FAT1: variants seen among roughly 807,000 people sequenced by gnomAD.
The protein encoded by FAT1 is protocadherin Fat 1.
A neutral mutation model predicts 329.8 loss-of-function variants in FAT1; 171 were observed. The observed-to-expected ratio is 0.52, with a 90% CI of 0.46 to 0.59. The LOEUF (loss-of-function observed/expected upper bound fraction) is 0.59, where lower values mean the gene tolerates loss of function less well. FAT1 is among the 20% of genes least tolerant of loss of function. The pLI is 0.00. For missense variants in FAT1, 5,672 were observed against 5,774.4 expected (o/e 0.98, Z 0.57); for synonymous variants, 2,233 against 2,228.6 (o/e 1.00, Z -0.06).
chr4:186,595,919 G>A, intron 25 of FAT1, 93 bp from the exon 26 acceptor site: 2 of 1,299,492 alleles, frequency 1.5e-6, no homozygotes, highest in South Asian at 1.4e-5. Flanking sequence ...ACCCAACGAT[G>A]GCCTGAGATT....
chr4:186,633,827 AT>A lies in FAT1; in HGVS notation c.4184-5del. ...AAGTGACTGTCGTAGTTGCCACCTA[AT>A]TTGGGGAAAAAAAAGTAAAAACAGG... On this transcript the variant is annotated splice_polypyrimidine_tract_variant and splice_region_variant and intron_variant, in intron 6 of 26. Transcript: ENST00000441802. 6.2e-7 allele frequency: 1 copy of A among 1,613,946 alleles called. No individual in the cohort carries two copies. The highest frequency in any genetic ancestry group is 2.2e-5 in the East Asian group (1 of 44,880).
chr4:186,609,768 C>T (rs1027709949), intron 15 of FAT1, 33 bp downstream of exon 15: 8 of 1,435,642 alleles, frequency 5.6e-6, no homozygotes, highest in Non-Finnish European at 7.9e-6. Flanking sequence ...AGAAGATACA[C>T]AGTTTTCACT....
intron 9 of FAT1, among the ~76,000 whole-genome samples, chr4:186,627,931 T>C (rs1402557505): frequency 6.6e-6 from 1 of 151,960 alleles, no homozygotes; most frequent in East Asian, 1.9e-4. Context: ...ACTGGGCTAA[T>C]ATTGTGAATC....
At position 186,708,231 on chromosome 4, in the gene FAT1, C is replaced by T. The variant is rs757277027; in HGVS notation, c.1597G>A (p.Val533Ile). The T allele has an allele frequency of 2.3e-5, 37 of 1,613,854 alleles. No individual in the cohort carries two copies. In the East Asian group the frequency reaches 2.5e-4, roughly 11 times the overall value. The part of the protein sequence containing the change: ...ENLDYELMPR[V>I]YTLRIRASDW... ...GATGCACGAATCCTCAGAGTATAAACCCGAGGCATCAGTTCGTAGTCCAGG... is the reference window on the plus strand; with the variant it reads ...GATGCACGAATCCTCAGAGTATAAATCCGAGGCATCAGTTCGTAGTCCAGG... Residue 533 changes from valine to isoleucine, a missense_variant, in exon 2 of 27, where the codon GTT becomes ATT. By Grantham distance (29) the Val-to-Ile change is conservative. Around this residue, in one of 2 missense-constraint regions of FAT1, gnomAD observed 3,966 missense variants for 3,915.2 expected, o/e 1.01. Coordinates refer to ENST00000441802, the MANE Select transcript of FAT1 (RefSeq NM_005245.4).
In FAT1 at chr4:186,618,155, A is replaced by T. The variant is rs1579327638; in HGVS notation, c.8431T>A (p.Ser2811Thr). The T allele has an allele frequency of 6.2e-7, 1 of 1,614,012 alleles. No individual in the cohort carries two copies. Among genetic ancestry groups the T allele is most frequent in the African/African-American group, 1.3e-5 (1 of 75,046 alleles). ...DANDNSPVFE[S>T]SPYEAFIVEN... ...ACAATGAATGCCTCATATGGACTAGATTCAAAGACCGGGCTGTTGTCATTT... is the reference window on the plus strand; with the variant it reads ...ACAATGAATGCCTCATATGGACTAGTTTCAAAGACCGGGCTGTTGTCATTT... The change falls in exon 10 of 27, where the codon TCT becomes ACT. Residue 2811 changes from serine (S) to threonine (T), a missense_variant. Physicochemically the swap from Ser to Thr is moderately conservative, Grantham distance 58. This residue lies in a region of FAT1 where 3,966 missense variants were observed against 3,915.2 expected (regional missense o/e 1.01). Coordinates refer to ENST00000441802, the MANE Select transcript of FAT1 (RefSeq NM_005245.4).
intron 3 of FAT1, among the ~76,000 whole-genome samples, chr4:186,646,418 GTGA>G (rs1357140188): frequency 6.6e-6 from 1 of 152,172 alleles, no homozygotes; most frequent in Non-Finnish European, 1.5e-5. Flanking sequence ...AGAAATTTCT[GTGA>G]TGATTTGTGT....
intron 2 of FAT1, among the ~76,000 whole-genome samples, chr4:186,688,661 C>A (rs1037936393): frequency 9.8e-4 from 122 of 124,914 alleles, no homozygotes; most frequent in Non-Finnish European, 1.8e-3. Context: ...CCGCCCCCCC[C>A]CAAAAAAACA....
At chr4:186,610,201 CTTTA>C (rs930662264) in intron 14 of FAT1, 186 bp from the exon 15 acceptor site, 13 of 564,534 alleles carry the variant, frequency 2.3e-5, no homozygotes, top group African/African-American at 2.1e-4. Flanking sequence ...ATCCCTGGAT[CTTTA>C]TTTCTCTTAA....
At chr4:186,709,926 A>C in intron 1 of FAT1, 81 bp from the exon 2 acceptor site, 1 of 1,290,418 alleles carries the variant, frequency 7.7e-7, no homozygotes, top group Non-Finnish European at 1.0e-6. Context: ...ACTTCTCATT[A>C]AAAAAATATT....
rs765843504 is a variant in FAT1, at chr4:186,620,746, C to T, written c.5840G>A (p.Arg1947His). The T allele has an allele frequency of 4.3e-6, 7 of 1,613,884 alleles. No homozygotes were observed. Among genetic ancestry groups the T allele is most frequent in the East Asian group, 2.2e-5 (1 of 44,888 alleles). The change falls in exon 10 of 27, where the codon CGC becomes CAC. Residue 1947 changes from arginine to histidine, a missense_variant. This residue lies in a region of FAT1 where 3,966 missense variants were observed against 3,915.2 expected (regional missense o/e 1.01). Transcript: ENST00000441802. Reference protein sequence around the residue: ...TVQNTTQLRSRYELTVRASDG... With the variant: ...TVQNTTQLRSHYELTVRASDG... ...GGAAGCTCTAACGGTTAGCTCGTAGCGGCTTCTTAACTGAGTTGTGTTTTG... is the reference window on the plus strand; with the variant it reads ...GGAAGCTCTAACGGTTAGCTCGTAGTGGCTTCTTAACTGAGTTGTGTTTTG...
In FAT1 at chr4:186,671,554, C is replaced by T. The variant is rs1394518324; in HGVS notation, c.3266-7941G>A. On this transcript the variant is annotated intron_variant, in intron 2 of 26. Transcript: ENST00000441802. ...CTCTACTAAAAATACAAAAAATGAG[C>T]TGGGCGTGGTGGCAGGCGCCTGTAA... Among the ~76,000 whole-genome samples, 8 of 152,068 alleles carry T rather than the reference C, an allele frequency of 5.3e-5. No homozygotes were observed. In the East Asian group the frequency reaches 1.6e-3, roughly 30 times the overall value.
rs1187532775 is a variant in FAT1 at position 186,621,005 on chromosome 4, A to G, written c.5581T>C (p.Tyr1861His). ...ACATGTACTGTTACATTCGCTGCAT[A>G]CTCAGCAAATAAACGTGGGGTTCCC... ...DMGTPRLFAEYAANVTVHVID... is the reference protein window; with the variant it reads ...DMGTPRLFAEHAANVTVHVID... The change falls in exon 10 of 27, where the codon TAT (tyrosine) becomes CAT (histidine). Residue 1861 changes from tyrosine (Y) to histidine (H), a missense_variant. This residue lies in a region of FAT1 where 3,966 missense variants were observed against 3,915.2 expected (regional missense o/e 1.01). Transcript: ENST00000441802. 1 of 1,612,854 alleles carries G rather than the reference A, an allele frequency of 6.2e-7. No homozygotes were observed. Among genetic ancestry groups the G allele is most frequent in the East Asian group, 2.2e-5 (1 of 44,890 alleles).
Position 186,636,622 on chromosome 4 carries a change from T to C in FAT1, c.3935A>G (p.Lys1312Arg), listed in dbSNP as rs780285015. 5 of 1,613,474 alleles carry C rather than the reference T, an allele frequency of 3.1e-6. No homozygotes were observed. The highest frequency in any genetic ancestry group is 1.1e-5 in the South Asian group (1 of 91,030). The change falls in exon 5 of 27, where the codon AAG (lysine) becomes AGG (arginine). Residue 1312 changes from lysine to arginine, a missense_variant. By Grantham distance (26) the Lys-to-Arg change is conservative (BLOSUM62 2). This residue lies in a region of FAT1 where 3,966 missense variants were observed against 3,915.2 expected (regional missense o/e 1.01). Transcript: ENST00000441802. ...ATATTCTCCAGCTGCTGAAAACCTC[T>C]TGGACGAAACCACTCCAGTTTTCGG... ...IEPKTGVVSSKRFSAAGEYDI... is the reference protein window; with the variant it reads ...IEPKTGVVSSRRFSAAGEYDI...
At chr4:186,643,338 G>T (rs959989107) in intron 3 of FAT1, among the ~76,000 whole-genome samples, 1 of 152,132 alleles carries the variant, frequency 6.6e-6, no homozygotes, top group Non-Finnish European at 1.5e-5. Context: ...CGGAGAACAC[G>T]TAAGATATTT....
At chr4:186,650,561 T>C (rs1306943099) in intron 3 of FAT1, among the ~76,000 whole-genome samples, 1 of 152,186 alleles carries the variant, frequency 6.6e-6, no homozygotes. Flanking sequence ...CAAAATTTTT[T>C]TTACAAAACT....
rs547765015 is a variant in FAT1, at chr4:186,663,144, T to C, written c.3580+155A>G. Among the ~76,000 whole-genome samples, 22 of 152,344 alleles carry C rather than the reference T, an allele frequency of 1.4e-4. No individual in the cohort carries two copies. In the East Asian group the frequency reaches 4.0e-3, roughly 28 times the overall value. ...AGCCACTGTGCCCGGTTATGCTAAA[T>C]TTTTATCCAAAATAAAGGCTTATTT... On this transcript the variant is annotated intron_variant, in intron 3 of 26. Coordinates refer to ENST00000441802, the MANE Select transcript of FAT1 (RefSeq NM_005245.4).
chr4:186,603,079 T>C, intron 19 of FAT1, 45 bp from the exon 20 acceptor site: 1 of 1,612,708 alleles, frequency 6.2e-7, no homozygotes, highest in Non-Finnish European at 8.5e-7. Context: ...TTAACAGACA[T>C]TTCAAGAACA....
intron 6 of FAT1, 61 bp downstream of exon 6, chr4:186,635,964 C>T (rs1231391476): frequency 1.4e-5 from 20 of 1,433,288 alleles, no homozygotes; most frequent in Admixed American, 3.5e-5. Context: ...CTCATCAAAC[C>T]GTATGCAGGT....
At chr4:186,701,285 T>TCA (rs142255401) in intron 2 of FAT1, among the ~76,000 whole-genome samples, 2,869 of 152,128 alleles carry the variant, frequency 0.019, 94 homozygotes, top group African/African-American at 0.066. Context: ...TGACTCAGAA[T>TCA]CACACACACA....
Sources: gnomAD v4.1 joint callset for allele counts (sites outside exome capture counted in the v4.1 genomes callset) on GRCh38, gnomAD v4.1.1 for gene constraint, gnomAD v4.1.1 regional missense constraint, MANE v1.5 for transcripts, NCBI Gene and HGNC (gene_info 2026-07-23, HGNC 2026-07-21) for gene names.